MICU1: variants seen among roughly 807,000 people sequenced by gnomAD.
MICU1 encodes the protein mitochondrial calcium uptake 1, also known as calcium uptake protein 1, mitochondrial.
A neutral mutation model predicts 56.8 loss-of-function variants in MICU1; 45 were observed. The observed-to-expected ratio is 0.79, with a 90% CI of 0.62 to 1.02. The LOEUF is 1.02. Ranked by LOEUF, MICU1 falls within the 50% of genes least tolerant of loss-of-function variation. MICU1 has a pLI of 0.00. For missense variants in MICU1, 504 were observed against 587.1 expected (o/e 0.86, Z 1.46); for synonymous variants, 186 against 195.1 (o/e 0.95, Z 0.39).
intron 5 of MICU1, among the ~76,000 whole-genome samples, chr10:72,510,821 C>CA (rs1867422022): frequency 6.6e-6 from 1 of 151,962 alleles, no homozygotes; most frequent in Non-Finnish European, 1.5e-5. Flanking sequence ...TTAGTAGAGA[C>CA]GGGTTTTGCC....
At position 72,562,908 on chromosome 10, in the gene MICU1, A is replaced by T; in HGVS notation, c.317T>A (p.Phe106Tyr). 2 of 1,592,644 alleles carry T rather than the reference A, an allele frequency of 1.3e-6. No individual in the cohort carries two copies. Among genetic ancestry groups the T allele is most frequent in the Non-Finnish European group, 1.7e-6 (2 of 1,172,662 alleles). ...TATGTTTCATACTTTTCTGTCTCTG[A>T]ATCCAGAACGTTTCTTCTTTTTCTC... ...PEEKKKKRSG[F>Y]RDRKVMEYEN... The change falls in exon 3 of 12, where the codon TTC becomes TAC. Residue 106 changes from phenylalanine (F) to tyrosine (Y), a missense_variant. Coordinates refer to ENST00000361114, the MANE Select transcript of MICU1 (RefSeq NM_001195518.2).
At chr10:72,431,514 T>C (rs907911386) in intron 8 of MICU1, among the ~76,000 whole-genome samples, 1 of 152,210 alleles carries the variant, frequency 6.6e-6, no homozygotes, top group African/African-American at 2.4e-5. Context: ...AATGCTGTTA[T>C]GAACATTCTT....
At chr10:72,442,891 G>A (rs1864984199) in intron 8 of MICU1, among the ~76,000 whole-genome samples, 1 of 152,058 alleles carries the variant, frequency 6.6e-6, no homozygotes, top group Non-Finnish European at 1.5e-5. Context: ...TGAGTAGCTG[G>A]GACTACAGGC....
chr10:72,622,251 A>C (rs1589399078), intron 1 of MICU1, among the ~76,000 whole-genome samples: 1 of 117,874 alleles, frequency 8.5e-6, no homozygotes, highest in Admixed American at 8.3e-5. Context: ...AAAAAAAAAA[A>C]AAACATGAAA....
At position 72,512,100 on chromosome 10, in the gene MICU1, G is replaced by GTTTTTTTTTTTTTTTTTTTTTTTTTTT. The variant is rs1199987987; in HGVS notation, c.538-3832_538-3831insAAAAAAAAAAAAAAAAAAAAAAAAAAA. On this transcript the variant is annotated intron_variant, in intron 5 of 11. Transcript: ENST00000361114. ...ATCAATCTGGCATCCATACACAGTT[G>GTTTTTTTTTTTTTTTTTTTTTTTTTTT]TTTTTTGTTTTTTTTTTTTTTTTTT... Among the ~76,000 whole-genome samples the GTTTTTTTTTTTTTTTTTTTTTTTTTTT allele has an allele frequency of 1.1e-4, 9 of 82,336 alleles. 2 individuals are homozygous for GTTTTTTTTTTTTTTTTTTTTTTTTTTT. Among genetic ancestry groups the GTTTTTTTTTTTTTTTTTTTTTTTTTTT allele is most frequent in the African/African-American group, 5.2e-4 (9 of 17,242 alleles). 54.0% of individuals were successfully genotyped at this position (82,336 alleles called of 152,430 possible). A position where few individuals can be genotyped will look rare whatever the true frequency, so the allele number is the denominator to read the frequency against.
At chr10:72,563,842 C>T (rs1840358514) in intron 2 of MICU1, among the ~76,000 whole-genome samples, 4 of 152,126 alleles carry the variant, frequency 2.6e-5, no homozygotes, top group Admixed American at 2.6e-4. Flanking sequence ...TCCAACTCTT[C>T]CCATTCTCAT....
intron 4 of MICU1, among the ~76,000 whole-genome samples, chr10:72,535,453 T>G (rs951562774): frequency 6.6e-6 from 1 of 152,048 alleles, no homozygotes; most frequent in Non-Finnish European, 1.5e-5. Flanking sequence ...AAACAGAGAC[T>G]CAATCCAAGA....
At chr10:72,592,568 A>G (rs1396245053) in intron 1 of MICU1, among the ~76,000 whole-genome samples, 1 of 152,186 alleles carries the variant, frequency 6.6e-6, no homozygotes, top group African/African-American at 2.4e-5. Flanking sequence ...TGGTGTAAAA[A>G]TCCTAAACAA....
intron 6 of MICU1, among the ~76,000 whole-genome samples, chr10:72,488,139 G>A (rs1866534648): frequency 7.3e-5 from 11 of 149,764 alleles, no homozygotes. Context: ...GTTGCGGTGA[G>A]CTGAGATTGC....
intron 9 of MICU1, among the ~76,000 whole-genome samples, chr10:72,419,032 T>A (rs1015988102): frequency 1.3e-5 from 2 of 152,212 alleles, no homozygotes; most frequent in African/African-American, 4.8e-5. Context: ...GGTCTTCAGA[T>A]CCTAAATTAA....
At chr10:72,582,566 T>G (rs1182613134) in intron 1 of MICU1, among the ~76,000 whole-genome samples, 1 of 152,078 alleles carries the variant, frequency 6.6e-6, no homozygotes, top group Non-Finnish European at 1.5e-5. Flanking sequence ...AAGACCAACC[T>G]GGACAATATG....
At chr10:72,559,565 C>T (rs1056511173) in intron 3 of MICU1, among the ~76,000 whole-genome samples, 1 of 152,010 alleles carries the variant, frequency 6.6e-6, no homozygotes, top group African/African-American at 2.4e-5. Context: ...GTGGCTCATG[C>T]CTGTAATCCT....
intron 5 of MICU1, among the ~76,000 whole-genome samples, chr10:72,526,304 C>CT (rs562224492): frequency 1.2e-4 from 18 of 149,456 alleles, no homozygotes; most frequent in African/African-American, 2.9e-4. Context: ...TAATTACATT[C>CT]TTTTTTTTTT....
chr10:72,623,318 AAAAGACAAG>A, intron 1 of MICU1, among the ~76,000 whole-genome samples: 1 of 150,160 alleles, frequency 6.7e-6, no homozygotes, highest in Non-Finnish European at 1.5e-5. Context: ...AAAAAAAAAA[AAAAGACAAG>A]AAAAGAAAAG....
chr10:72,506,202 G>C (rs2132343095), intron 6 of MICU1, among the ~76,000 whole-genome samples: 1 of 152,198 alleles, frequency 6.6e-6, no homozygotes, highest in Non-Finnish European at 1.5e-5. Context: ...AGAACCCAAG[G>C]GTCATTGTGA....
chr10:72,423,265 C>A lies in MICU1; in HGVS notation c.1040G>T (p.Arg347Met). The A allele has an allele frequency of 6.2e-7, 1 of 1,613,858 alleles. No homozygotes were observed. The highest frequency in any genetic ancestry group is 8.5e-7 in the Non-Finnish European group (1 of 1,179,844). ...TTCTTTGAAGTGCTTCTTGAGCTGC[C>A]TCTGCATGGCGGTCAGCTTCTTGGA... ...VQSKKLTAMQ[R>M]QLKKHFKEGK... The change falls in exon 9 of 12, where the codon AGG (arginine) becomes ATG (methionine). Residue 347 changes from arginine to methionine, a missense_variant. Coordinates refer to ENST00000361114, the MANE Select transcript of MICU1 (RefSeq NM_001195518.2).
chr10:72,489,661 C>A (rs988741727), intron 6 of MICU1, among the ~76,000 whole-genome samples: 1 of 152,142 alleles, frequency 6.6e-6, no homozygotes, highest in African/African-American at 2.4e-5. Context: ...ACCCATCAGT[C>A]CACCCCTCAT....
At chr10:72,617,546 A>T (rs1177764017) in intron 1 of MICU1, among the ~76,000 whole-genome samples, 1 of 152,180 alleles carries the variant, frequency 6.6e-6, no homozygotes, top group Admixed American at 6.6e-5. Context: ...GACACCTGTA[A>T]TGTAGAAACC....
At chr10:72,370,081 G>A (rs564907564) in intron 11 of MICU1, among the ~76,000 whole-genome samples, 1 of 152,244 alleles carries the variant, frequency 6.6e-6, no homozygotes, top group South Asian at 2.1e-4. Flanking sequence ...GTTTCACCGT[G>A]TTAGCCAGGA....
Sources: allele counts gnomAD v4.1 joint callset (sites outside exome capture counted in the v4.1 genomes callset), GRCh38; gene constraint gnomAD v4.1.1; transcripts MANE v1.5; gene names NCBI Gene and HGNC (gene_info 2026-07-23, HGNC 2026-07-21).